The following COP1 variants were observed in gnomAD, a reference collection of about 807,000 sequenced individuals.
COP1 encodes the protein COP1 E3 ubiquitin ligase, also known as E3 ubiquitin-protein ligase COP1.
A neutral mutation model predicts 101.3 loss-of-function variants in COP1; 24 were observed. That is an observed-to-expected ratio of 0.24 (90% CI 0.17 to 0.33). The LOEUF (loss-of-function observed/expected upper bound fraction) is 0.33, where lower values mean the gene tolerates loss of function less well. COP1 is among the 10% of genes least tolerant of loss of function. The pLI, the probability that COP1 is intolerant of heterozygous loss-of-function variation, is 1.00. For missense variants in COP1, 663 were observed against 906.2 expected (o/e 0.73, Z 3.45); for synonymous variants, 347 against 341.9 (o/e 1.01, Z -0.17).
At position 176,035,804 on chromosome 1, in the gene COP1, C is replaced by G. The variant is rs112449726; in HGVS notation, c.1612+7382G>C. Among the ~76,000 whole-genome samples, 870 of 146,304 alleles carry G rather than the reference C, an allele frequency of 5.9e-3. 10 individuals carry two copies. The highest frequency in any genetic ancestry group is 0.022 in the African/African-American group (843 of 39,000). On this transcript the variant is annotated intron_variant, in intron 14 of 19. Transcript: ENST00000367669. ...TGACACTTACAGAACACTCACCAAA[C>G]AGCATTTATAGTACAGTTTCTTTTC...
intron 3 of COP1, among the ~76,000 whole-genome samples, chr1:176,165,365 T>C (rs1694941296): frequency 9.5e-6 from 1 of 105,702 alleles, no homozygotes; most frequent in Non-Finnish European, 1.9e-5. Context: ...GTGTGTCGTG[T>C]GTGTGTGTGT....
intron 11 of COP1, among the ~76,000 whole-genome samples, chr1:176,069,606 C>T (rs991032476): frequency 6.6e-6 from 1 of 152,170 alleles, no homozygotes; most frequent in African/African-American, 2.4e-5. Context: ...AAGATGTGAA[C>T]ACTTCTCCCT....
At chr1:175,955,461 G>T (rs1650506862) in intron 18 of COP1, among the ~76,000 whole-genome samples, 1 of 152,020 alleles carries the variant, frequency 6.6e-6, no homozygotes, top group Non-Finnish European at 1.5e-5. Context: ...CTCACCATTT[G>T]TATTCAACAC....
At chr1:176,172,389 A>T (rs1228037759) in intron 3 of COP1, among the ~76,000 whole-genome samples, 1 of 152,246 alleles carries the variant, frequency 6.6e-6, no homozygotes, top group Non-Finnish European at 1.5e-5. Flanking sequence ...AAAAAATTTT[A>T]ATGCAAACTT....
At chr1:175,946,166 T>C (rs1649142684) in intron 19 of COP1, among the ~76,000 whole-genome samples, 1 of 152,142 alleles carries the variant, frequency 6.6e-6, no homozygotes, top group Non-Finnish European at 1.5e-5. Context: ...CCATCTTGCT[T>C]GAGGCTTCCA....
intron 1 of COP1, among the ~76,000 whole-genome samples, chr1:176,186,754 A>G (rs1235305152): frequency 5.9e-5 from 9 of 152,164 alleles, no homozygotes; most frequent in Admixed American, 5.9e-4. Flanking sequence ...AAGCTATCAT[A>G]ATCCAGTGAG....
rs1319136002 is a variant in COP1, at chr1:176,206,973, A to G, written c.6T>C (p.Ser2=). 7.9e-6 allele frequency: 11 copies of G among 1,399,010 alleles called. No individual in the cohort carries two copies. The highest frequency in any genetic ancestry group is 9.3e-6 in the Non-Finnish European group (10 of 1,080,834). 86.7% of individuals were successfully genotyped at this position (1,399,010 alleles called of 1,614,324 possible). A position where few individuals can be genotyped will look rare whatever the true frequency, so the allele number is the denominator to read the frequency against. ...AGCCCGACCCGGCCTGGCGGCTACC[A>G]GACATCGTGACTCCCTCCCCTCCAG... M[S]GSRQAGSGSA... The change falls in exon 1 of 20, where the codon TCT becomes TCC. Residue 2 remains serine, a synonymous_variant. Transcript: ENST00000367669.
rs1658261779 is a variant in COP1, at chr1:175,990,895, GCTGGATTCTA to G, written c.1730-1426_1730-1417del. On this transcript the variant is annotated intron_variant, in intron 15 of 19. Coordinates refer to ENST00000367669, the MANE Select transcript of COP1 (RefSeq NM_022457.7). ...GTCTATCTCTTGTAGACAGCATAAA[GCTGGATTCTA>G]ATTTTTTTTTTTTTGTAAACCCATT... Among the ~76,000 whole-genome samples the G allele has an allele frequency of 2.0e-5, 3 of 150,592 alleles. No individual in the cohort carries two copies. The South Asian group carries it at 6.3e-4, about 31-fold the overall frequency.
intron 11 of COP1, among the ~76,000 whole-genome samples, chr1:176,046,575 G>A (rs184626094): frequency 6.6e-6 from 1 of 152,122 alleles, no homozygotes; most frequent in African/African-American, 2.4e-5. Flanking sequence ...CAAGACACCT[G>A]ACATGCTTTT....
At position 175,965,413 on chromosome 1, in the gene COP1, CG is replaced by C. The variant is rs1244451047; in HGVS notation, c.2134-18175del. ...TATTCAATTGTCCAATTTCATCACT[CG>C]TGCTGACATTTTGTTACTTCATCCT... On this transcript the variant is annotated intron_variant, in intron 18 of 19. Transcript: ENST00000367669. Among the ~76,000 whole-genome samples the C allele has an allele frequency of 5.9e-5, 9 of 152,290 alleles. No individual in the cohort carries two copies. The South Asian group carries it at 1.9e-3, about 32-fold the overall frequency.
intron 9 of COP1, among the ~76,000 whole-genome samples, chr1:176,115,536 C>A (rs1045612328): frequency 1.3e-5 from 2 of 152,024 alleles, no homozygotes; most frequent in African/African-American, 2.4e-5. Context: ...ATCACGAGGT[C>A]AAGAGATGGA....
In COP1 at chr1:176,097,573, T is replaced by C. The variant is rs185177506; in HGVS notation, c.1027-11683A>G. Among the ~76,000 whole-genome samples, 1,413 of 152,180 alleles carry C rather than the reference T, an allele frequency of 9.3e-3. 23 individuals carry two copies. The highest frequency in any genetic ancestry group is 0.032 in the African/African-American group (1,343 of 41,514). On this transcript the variant is annotated intron_variant, in intron 9 of 19. Transcript: ENST00000367669. The stretch of plus-strand genomic sequence containing the variant: ...AAAAAAGCTCTTTTTTTTATAGAGC[T>C]TTTTTTATAGACTGGCTGGGTGCAG...
chr1:176,082,514 A>C (rs898358028), intron 10 of COP1, among the ~76,000 whole-genome samples: 2 of 152,208 alleles, frequency 1.3e-5, no homozygotes, highest in African/African-American at 4.8e-5. Context: ...TAAGAAAAAA[A>C]TAAACAACAG....
intron 1 of COP1, among the ~76,000 whole-genome samples, chr1:176,195,813 T>C (rs751518357): frequency 6.6e-6 from 1 of 152,184 alleles, no homozygotes; most frequent in African/African-American, 2.4e-5. Flanking sequence ...ATGTTCTCAC[T>C]TTTAAGTGGG....
Position 176,046,231 on chromosome 1 carries a change from T to A in COP1, c.1371A>T (p.Ala457=). The A allele has an allele frequency of 6.2e-7, 1 of 1,606,794 alleles. No individual in the cohort carries two copies. Among genetic ancestry groups the A allele is most frequent in the South Asian group, 1.1e-5 (1 of 89,468 alleles). The stretch of plus-strand genomic sequence containing the variant: ...CATTCTCAGGGTAATGAATATCCAC[T>A]GCATCCTGGATGACAGTGTCATATT... The part of the protein sequence containing the change: ...VYEYDTVIQD[A]VDIHYPENEM... Residue 457 remains alanine, a synonymous_variant, in exon 12 of 20, where the codon GCA becomes GCT. Transcript: ENST00000367669.
intron 9 of COP1, among the ~76,000 whole-genome samples, chr1:176,107,505 T>C (rs926887866): frequency 6.6e-6 from 1 of 152,116 alleles, no homozygotes. Flanking sequence ...CAAGATGATT[T>C]GAGTTTCAAA....
At chr1:176,120,274 G>A (rs1442684827) in intron 8 of COP1, among the ~76,000 whole-genome samples, 4 of 151,984 alleles carry the variant, frequency 2.6e-5, no homozygotes, top group African/African-American at 7.2e-5. Context: ...ACAAAAATGA[G>A]CTGGGCATCA....
intron 18 of COP1, chr1:175,968,633 CA>C (rs1211159833): frequency 2.5e-5 from 10 of 406,348 alleles, no homozygotes; most frequent in Non-Finnish European, 4.9e-5. Context: ...AAATATACTT[CA>C]GGATTCAGAT....
At chr1:175,959,057 A>C (rs1459112373) in intron 18 of COP1, among the ~76,000 whole-genome samples, 2 of 151,990 alleles carry the variant, frequency 1.3e-5, no homozygotes, top group Non-Finnish European at 2.9e-5. Context: ...CAAATGAAAA[A>C]ATCCTAAACA....
Sources: gnomAD v4.1 joint callset for allele counts (sites outside exome capture counted in the v4.1 genomes callset) on GRCh38, gnomAD v4.1.1 for gene constraint, MANE v1.5 for transcripts, NCBI Gene and HGNC (gene_info 2026-07-23, HGNC 2026-07-21) for gene names.